SETBP1: variants seen among roughly 807,000 people sequenced by gnomAD.
SETBP1 encodes the protein SET-binding protein.
A neutral mutation model predicts 101.0 loss-of-function variants in SETBP1; 9 were observed. That is an observed-to-expected ratio of 0.09 (90% confidence interval 0.05 to 0.16). SETBP1 has a LOEUF of 0.16. SETBP1 is among the 10% of genes least tolerant of loss of function. The probability of loss-of-function intolerance (pLI) is 1.00; values close to 1 mark genes in which losing one functional copy is unlikely to be tolerated. For synonymous variants in SETBP1, 818 were observed against 788.5 expected, an observed-to-expected ratio of 1.04 and a Z score of -0.63; for missense variants, 1,858 against 2,033.8, an observed-to-expected ratio of 0.91 and a Z score of 1.66.
At chr18:44,707,912 G>A (rs2069257491) in intron 2 of SETBP1, among the ~76,000 whole-genome samples, 1 of 152,166 alleles carries the variant, frequency 6.6e-6, no homozygotes, top group African/African-American at 2.4e-5. Flanking sequence ...TGAAAGGGGA[G>A]CCTTTTGGTA....
At chr18:44,703,567 A>G (rs1007160361) in intron 2 of SETBP1, among the ~76,000 whole-genome samples, 7 of 151,876 alleles carry the variant, frequency 4.6e-5, no homozygotes, top group African/African-American at 9.7e-5. Flanking sequence ...AGTTTGCCCA[A>G]AAAATCTGTC....
intron 4 of SETBP1, among the ~76,000 whole-genome samples, chr18:45,007,929 T>C (rs754977459): frequency 2.0e-5 from 3 of 152,088 alleles, no homozygotes; most frequent in Non-Finnish European, 2.9e-5. Context: ...GCCCCAAGCC[T>C]TCTGAAGGAA....
rs886053791 is a variant in SETBP1, at chr18:44,950,372, T to A, written c.1032T>A (p.Ser344Arg). 3 of 1,613,942 alleles carry A rather than the reference T, an allele frequency of 1.9e-6. No individual in the cohort carries two copies. The highest frequency in any genetic ancestry group is 2.5e-6 in the Non-Finnish European group (3 of 1,180,006). ...KKKSSKKDVI[S>R]QTIPNPDLDW... ...AGTCCAGTAAAAAAGATGTGATAAG[T>A]CAGACCATACCAAACCCAGACCTGG... is the stretch of plus-strand genomic sequence containing the variant. Residue 344 changes from serine (S) to arginine (R), a missense_variant, in exon 4 of 6, where the codon AGT becomes AGA. Physicochemically the swap from Ser to Arg is moderately radical, Grantham distance 110 (BLOSUM62 -1). This residue lies in a region of SETBP1 where 581 missense variants were observed against 535.1 expected (regional missense o/e 1.09). Transcript: ENST00000649279.
At chr18:44,702,940 A>T (rs1044185360) in intron 2 of SETBP1, among the ~76,000 whole-genome samples, 5 of 152,236 alleles carry the variant, frequency 3.3e-5, no homozygotes, top group African/African-American at 1.2e-4. Flanking sequence ...TCAAACATGG[A>T]TGTGCAAAGT....
chr18:44,807,603 T>C (rs1447265449), intron 2 of SETBP1, among the ~76,000 whole-genome samples: 1 of 152,218 alleles, frequency 6.6e-6, no homozygotes, highest in Non-Finnish European at 1.5e-5. Flanking sequence ...CCAGTCAACA[T>C]CTTACCAATT....
chr18:44,892,694 A>G (rs1194413613), intron 3 of SETBP1, among the ~76,000 whole-genome samples: 1 of 152,064 alleles, frequency 6.6e-6, no homozygotes, highest in Non-Finnish European at 1.5e-5. Flanking sequence ...TTTTATTGAA[A>G]CTTCTATCTA....
At chr18:44,800,704 A>G (rs1195055392) in intron 2 of SETBP1, among the ~76,000 whole-genome samples, 1 of 152,170 alleles carries the variant, frequency 6.6e-6, no homozygotes, top group Non-Finnish European at 1.5e-5. Flanking sequence ...TGTAGGTCCA[A>G]TGAACTGATG....
chr18:44,971,093 T>A (rs2145192990), intron 4 of SETBP1, among the ~76,000 whole-genome samples: 1 of 152,092 alleles, frequency 6.6e-6, no homozygotes, highest in African/African-American at 2.4e-5. Flanking sequence ...TTCTCATTGT[T>A]CAATTCCCAC....
intron 2 of SETBP1, among the ~76,000 whole-genome samples, chr18:44,750,802 A>G (rs990965253): frequency 6.6e-6 from 1 of 152,186 alleles, no homozygotes; most frequent in African/African-American, 2.4e-5. Context: ...AAAAAATATC[A>G]AGTTATGAAA....
intron 2 of SETBP1, among the ~76,000 whole-genome samples, chr18:44,839,922 A>G (rs1045033696): frequency 1.8e-4 from 28 of 152,210 alleles, no homozygotes; most frequent in African/African-American, 6.3e-4. Context: ...AATCATATTG[A>G]TATGTAATTT....
chr18:44,978,787 G>C (rs942574557), intron 4 of SETBP1, among the ~76,000 whole-genome samples: 1 of 152,118 alleles, frequency 6.6e-6, no homozygotes, highest in African/African-American at 2.4e-5. Context: ...TGCCCATGAT[G>C]GCCTGCAGTG....
intron 2 of SETBP1, among the ~76,000 whole-genome samples, chr18:44,797,844 ACT>A: frequency 6.6e-6 from 1 of 151,974 alleles, no homozygotes; most frequent in East Asian, 1.9e-4. Flanking sequence ...GACTTCCCAA[ACT>A]CTCTTTCTCT....
chr18:44,910,674 G>A (rs566078104), intron 3 of SETBP1, among the ~76,000 whole-genome samples: 29 of 152,134 alleles, frequency 1.9e-4, no homozygotes, highest in Non-Finnish European at 2.2e-4. Flanking sequence ...TAAATTTCTT[G>A]CCCTGTCATA....
intron 5 of SETBP1, among the ~76,000 whole-genome samples, chr18:45,055,008 C>G (rs1206625874): frequency 1.3e-5 from 2 of 152,198 alleles, no homozygotes; most frequent in Non-Finnish European, 2.9e-5. Context: ...AAGATGAATG[C>G]TCTCCAGGAT....
intron 1 of SETBP1, among the ~76,000 whole-genome samples, chr18:44,699,776 G>A (rs1032262980): frequency 3.3e-5 from 5 of 152,248 alleles, no homozygotes; most frequent in Admixed American, 2.0e-4. Flanking sequence ...AGCAGGGTCC[G>A]TGTTGGAGCC....
rs1599305061 is a variant in SETBP1, at chr18:44,907,120, A to G, written c.540+37837A>G. Among the ~76,000 whole-genome samples the G allele has an allele frequency of 2.0e-5, 3 of 152,130 alleles. No individual in the cohort carries two copies. The East Asian group carries it at 5.8e-4, about 29-fold the overall frequency. ...AATCAAACAATAGGTGGCTTCTTTT[A>G]TTTGGCTTCTTTCACTTAGCATAGT... is the stretch of plus-strand genomic sequence containing the variant. On this transcript the variant is annotated intron_variant, in intron 3 of 5. Coordinates refer to ENST00000649279, the MANE Select transcript of SETBP1 (RefSeq NM_015559.3).
At chr18:44,895,812 G>A (rs2069888179) in intron 3 of SETBP1, among the ~76,000 whole-genome samples, 1 of 151,890 alleles carries the variant, frequency 6.6e-6, no homozygotes, top group Non-Finnish European at 1.5e-5. Context: ...TAAATATTTT[G>A]TTTTATTTAT....
chr18:44,824,097 C>T (rs1328546526), intron 2 of SETBP1, among the ~76,000 whole-genome samples: 1 of 152,190 alleles, frequency 6.6e-6, no homozygotes, highest in Non-Finnish European at 1.5e-5. Context: ...GTTACCTTGA[C>T]TTGAGAAGTG....
At chr18:44,990,486 G>C (rs191897815) in intron 4 of SETBP1, among the ~76,000 whole-genome samples, 33 of 152,208 alleles carry the variant, frequency 2.2e-4, no homozygotes, top group African/African-American at 7.5e-4. Flanking sequence ...CAGCTACTCA[G>C]GAGGCTGAGG....
Sources: gnomAD v4.1 joint callset for allele counts (sites outside exome capture counted in the v4.1 genomes callset) on GRCh38, gnomAD v4.1.1 for gene constraint, gnomAD v4.1.1 regional missense constraint, MANE v1.5 for transcripts, NCBI Gene and HGNC (gene_info 2026-07-23, HGNC 2026-07-21) for gene names.